The following ANKRD12 variants were observed in gnomAD, a reference collection of about 807,000 sequenced individuals.
The protein encoded by ANKRD12 is ankyrin repeat domain-containing protein 12.
In ANKRD12, 85 loss-of-function variants were observed where a neutral mutation model predicts 183.4. The ratio of observed to expected loss-of-function variants is 0.46; its 90% CI spans 0.39 to 0.56. The LOEUF (loss-of-function observed/expected upper bound fraction) is 0.56, where lower values mean the gene tolerates loss of function less well. Ranked by LOEUF, ANKRD12 falls within the 20% of genes least tolerant of loss-of-function variation. The pLI is 0.00. For synonymous variants in ANKRD12, 914 were observed against 800.2 expected, an observed-to-expected ratio of 1.14 and a Z score of -2.40; for missense variants, 2,405 against 2,357.1, an observed-to-expected ratio of 1.02 and a Z score of -0.42.
At chr18:9,271,689 T>A (rs997606674) in intron 10 of ANKRD12, among the ~76,000 whole-genome samples, 7 of 152,108 alleles carry the variant, frequency 4.6e-5, no homozygotes, top group Admixed American at 1.3e-4. Flanking sequence ...AGTATAAAAA[T>A]TTGGGAGGAT....
chr18:9,240,102 A>G (rs145181498), intron 8 of ANKRD12, among the ~76,000 whole-genome samples: 3,384 of 152,310 alleles, frequency 0.022, 52 homozygotes, highest in Non-Finnish European at 0.034. Context: ...CATGTTTGGT[A>G]CCAGCTCTTT....
At chr18:9,246,878 A>T (rs2056790603) in intron 8 of ANKRD12, among the ~76,000 whole-genome samples, 2 of 152,178 alleles carry the variant, frequency 1.3e-5, no homozygotes, top group African/African-American at 4.8e-5. Context: ...TAGATTACTG[A>T]TCTTTTACAT....
intron 1 of ANKRD12, among the ~76,000 whole-genome samples, chr18:9,163,971 CA>C (rs2031750665): frequency 6.6e-6 from 1 of 152,180 alleles, no homozygotes; most frequent in African/African-American, 2.4e-5. Flanking sequence ...ATGTCTTCTG[CA>C]AACAAAGGTA....
chr18:9,181,299 TCAAAA>T (rs1452620859), intron 1 of ANKRD12, among the ~76,000 whole-genome samples: 3 of 152,196 alleles, frequency 2.0e-5, no homozygotes, highest in East Asian at 1.9e-4. Context: ...TTCGTTTCTA[TCAAAA>T]CAAAAGAAAT....
intron 1 of ANKRD12, among the ~76,000 whole-genome samples, chr18:9,138,597 G>GT (rs1300532985): frequency 6.6e-6 from 1 of 152,220 alleles, no homozygotes; most frequent in Non-Finnish European, 1.5e-5. Context: ...ACTGATCTGA[G>GT]TTTCTTTAAT....
chr18:9,234,831 G>A (rs1008253177), intron 8 of ANKRD12, among the ~76,000 whole-genome samples: 21 of 152,164 alleles, frequency 1.4e-4, no homozygotes, highest in African/African-American at 4.8e-4. Context: ...GTTGGTATGG[G>A]TAGAGGAGCT....
rs564181536 is a variant in ANKRD12 at position 9,285,187 on chromosome 18, C to G, written c.*4061C>G. On this transcript the variant is annotated 3_prime_UTR_variant, in exon 13 of 13. Coordinates refer to ENST00000262126, the MANE Select transcript of ANKRD12 (RefSeq NM_015208.5). Reference sequence around the variant, plus strand: ...TCGTGCCACTGCACTCCAGCCTGGGCGACAGAGCGAGACTCCGTCTCAAAA... The same window carrying G: ...TCGTGCCACTGCACTCCAGCCTGGGGGACAGAGCGAGACTCCGTCTCAAAA... The G allele has an allele frequency of 2.8e-5, 4 of 144,670 alleles. No homozygotes were observed. Among genetic ancestry groups the G allele is most frequent in the East Asian group, 2.0e-4 (1 of 4,928 alleles). 9.0% of individuals were successfully genotyped at this position (144,670 alleles called of 1,614,324 possible).
In ANKRD12 at chr18:9,255,015, A is replaced by G. The variant is rs1357628787; in HGVS notation, c.1748A>G (p.Tyr583Cys). Residue 583 changes from tyrosine (Y) to cysteine (C), a missense_variant, in exon 9 of 13, where the codon TAT becomes TGT. Tyr to Cys is a radical substitution (Grantham distance 194). Around this residue, in one of 7 missense-constraint regions of ANKRD12, gnomAD observed 1,983 missense variants for 1,725.9 expected, o/e 1.15. Transcript: ENST00000262126. ...EMSLQPDLVR[Y>C]DNTESEFLPE... ...TCATTACAGCCTGATCTTGTTCGGT[A>G]TGATAATACAGAATCTGAATTCTTG... 3.7e-6 allele frequency: 6 copies of G among 1,605,968 alleles called. No individual in the cohort carries two copies. The highest frequency in any genetic ancestry group is 1.7e-5 in the Admixed American group (1 of 58,120).
intron 8 of ANKRD12, among the ~76,000 whole-genome samples, chr18:9,243,607 A>G (rs2037782677): frequency 6.6e-6 from 1 of 152,178 alleles, no homozygotes; most frequent in South Asian, 2.1e-4. Flanking sequence ...AAAGAGGGTA[A>G]TCAGAGACCA....
chr18:9,268,357 A>T (rs984053154), intron 10 of ANKRD12, among the ~76,000 whole-genome samples: 3 of 152,254 alleles, frequency 2.0e-5, no homozygotes, highest in Non-Finnish European at 4.4e-5. Context: ...ATGAACATCG[A>T]TGCAAAAATC....
intron 7 of ANKRD12, among the ~76,000 whole-genome samples, chr18:9,217,334 A>G (rs928529404): frequency 6.6e-6 from 1 of 152,336 alleles, no homozygotes; most frequent in African/African-American, 2.4e-5. Flanking sequence ...GTAATCTTGA[A>G]CAGGTTACTT....
chr18:9,173,791 T>C (rs1238901026), intron 1 of ANKRD12, among the ~76,000 whole-genome samples: 1 of 152,214 alleles, frequency 6.6e-6, no homozygotes, highest in Non-Finnish European at 1.5e-5. Flanking sequence ...GAATTGGGGG[T>C]AACCGTTCCT....
rs1266548187 is a variant in ANKRD12, at chr18:9,234,349, G to C, written c.943+12350G>C. Among the ~76,000 whole-genome samples the C allele has an allele frequency of 2.6e-5, 4 of 152,252 alleles. No individual in the cohort carries two copies. In the East Asian group the frequency reaches 7.7e-4, roughly 29 times the overall value. ...GCTCCACCAGTGGCGGGGCGACGGG[G>C]GATCTCTCTCTCACAAGGCTGAGCA... On this transcript the variant is annotated intron_variant, in intron 8 of 12. Coordinates refer to ENST00000262126, the MANE Select transcript of ANKRD12 (RefSeq NM_015208.5).
intron 2 of ANKRD12, 116 bp from the exon 3 acceptor site, chr18:9,195,435 C>G: frequency 1.7e-6 from 1 of 598,822 alleles, no homozygotes; most frequent in Non-Finnish European, 2.5e-6. Context: ...ACATTGAATA[C>G]AGTGATAGGT....
intron 7 of ANKRD12, among the ~76,000 whole-genome samples, chr18:9,218,823 A>G (rs115734128): frequency 1.8e-4 from 28 of 151,984 alleles, no homozygotes; most frequent in African/African-American, 6.5e-4. Flanking sequence ...CACGCACACC[A>G]TGCTAGGCTA....
At chr18:9,140,067 C>T (rs1052136042) in intron 1 of ANKRD12, among the ~76,000 whole-genome samples, 2 of 152,178 alleles carry the variant, frequency 1.3e-5, no homozygotes, top group East Asian at 3.8e-4. Context: ...TGACATATCG[C>T]ATTAACTTTC....
chr18:9,275,740 T>G (rs2039800306), intron 11 of ANKRD12, 73 bp downstream of exon 11: 2 of 1,374,938 alleles, frequency 1.5e-6, no homozygotes, highest in Non-Finnish European at 1.9e-6. Context: ...AGAATCTATT[T>G]CCATAGAAAG....
intron 6 of ANKRD12, among the ~76,000 whole-genome samples, chr18:9,215,400 G>A (rs1472330600): frequency 2.0e-5 from 3 of 152,114 alleles, no homozygotes; most frequent in Admixed American, 6.6e-5. Flanking sequence ...TTTCTGGATT[G>A]ATGTCATCAA....
intron 2 of ANKRD12, among the ~76,000 whole-genome samples, chr18:9,189,217 A>G (rs964157300): frequency 9.9e-5 from 15 of 152,196 alleles, no homozygotes; most frequent in Admixed American, 1.3e-4. Flanking sequence ...ATCCCCTTAA[A>G]CCAAAGTTCA....
Sources: gnomAD v4.1 joint callset for allele counts (sites outside exome capture counted in the v4.1 genomes callset) on GRCh38, gnomAD v4.1.1 for gene constraint, gnomAD v4.1.1 regional missense constraint, MANE v1.5 for transcripts, NCBI Gene and HGNC (gene_info 2026-07-23, HGNC 2026-07-21) for gene names.